Variants in PTPRD observed in about 807,000 individuals in gnomAD.
PTPRD encodes receptor-type tyrosine-protein phosphatase delta.
A neutral mutation model predicts 214.5 loss-of-function variants in PTPRD; 34 were observed. The observed-to-expected ratio is 0.16, with a 90% CI of 0.12 to 0.21. The LOEUF (loss-of-function observed/expected upper bound fraction) is 0.21, where lower values mean the gene tolerates loss of function less well. Ranked by LOEUF, PTPRD falls within the 10% of genes least tolerant of loss-of-function variation. The pLI, the probability that PTPRD is intolerant of heterozygous loss-of-function variation, is 1.00. For synonymous variants in PTPRD, 1,128 were observed against 845.7 expected (o/e 1.33, Z -5.79); for missense variants, 2,545 against 2,398.7 (o/e 1.06, Z -1.27).
At chr9:10,167,863 A>G (rs1284865929) in intron 3 of PTPRD, among the ~76,000 whole-genome samples, 3 of 152,142 alleles carry the variant, frequency 2.0e-5, no homozygotes, top group African/African-American at 7.2e-5. Context: ...CCTTCTCCCT[A>G]TATAGCTGTA....
rs142017718 is a variant in PTPRD, at chr9:10,203,611, T to C, written c.-545+137352A>G. On this transcript the variant is annotated intron_variant, in intron 3 of 45. Transcript: ENST00000381196. ...CAGACAAGGGGCTAGATAAGCTCTA[T>C]GGATCCAGGATTCCATCATTTATTC... is the stretch of plus-strand genomic sequence containing the variant. Among the ~76,000 whole-genome samples the C allele has an allele frequency of 2.3e-3, 352 of 152,312 alleles. 6 individuals are homozygous for C. In the South Asian group the frequency reaches 0.037, roughly 16 times the overall value.
intron 9 of PTPRD, among the ~76,000 whole-genome samples, chr9:9,223,699 G>A (rs1048350029): frequency 2.0e-5 from 3 of 151,858 alleles, no homozygotes; most frequent in Non-Finnish European, 4.4e-5. Context: ...AGAAAAACAG[G>A]ATAAAACCAA....
At chr9:9,376,971 T>C (rs2060962665) in intron 9 of PTPRD, among the ~76,000 whole-genome samples, 1 of 152,050 alleles carries the variant, frequency 6.6e-6, no homozygotes, top group South Asian at 2.1e-4. Context: ...GCACTCAATA[T>C]AAAAACTGAA....
chr9:8,384,003 G>A (rs928396521), intron 37 of PTPRD, among the ~76,000 whole-genome samples: 2 of 152,116 alleles, frequency 1.3e-5, no homozygotes, highest in African/African-American at 4.8e-5. Context: ...AGACAGAGTA[G>A]GAGAGAAACA....
At chr9:9,324,694 A>C in intron 9 of PTPRD, among the ~76,000 whole-genome samples, 1 of 151,986 alleles carries the variant, frequency 6.6e-6, no homozygotes, top group Non-Finnish European at 1.5e-5. Flanking sequence ...TCTTTAGTTT[A>C]ATTCGATCCC....
chr9:8,415,566 T>C (rs928436161), intron 35 of PTPRD, among the ~76,000 whole-genome samples: 1 of 112,870 alleles, frequency 8.9e-6, no homozygotes, highest in Non-Finnish European at 1.9e-5. Context: ...AGTAAAACCA[T>C]AGACCTATTG....
intron 4 of PTPRD, among the ~76,000 whole-genome samples, chr9:9,942,328 C>G (rs145497073): frequency 7.5e-4 from 114 of 152,186 alleles, no homozygotes; most frequent in African/African-American, 2.2e-3. Flanking sequence ...TAAAAAGCAT[C>G]TTCATCATCT....
intron 10 of PTPRD, among the ~76,000 whole-genome samples, chr9:9,087,880 T>C (rs1181366997): frequency 1.6e-5 from 2 of 121,432 alleles, no homozygotes; most frequent in African/African-American, 6.6e-5. Flanking sequence ...CCTAAACTCT[T>C]TTTTTTTTTT....
chr9:8,674,116 T>C (rs943489975), intron 12 of PTPRD, among the ~76,000 whole-genome samples: 5 of 152,044 alleles, frequency 3.3e-5, no homozygotes, highest in Admixed American at 2.0e-4. Flanking sequence ...AAAAATCACA[T>C]AGACACACAC....
At chr9:9,438,924 C>A (rs964972706) in intron 8 of PTPRD, among the ~76,000 whole-genome samples, 19 of 152,040 alleles carry the variant, frequency 1.2e-4, no homozygotes, top group African/African-American at 4.3e-4. Flanking sequence ...TCTAGGACAG[C>A]ATTTAAATTC....
intron 14 of PTPRD, among the ~76,000 whole-genome samples, chr9:8,576,254 C>G (rs1369415292): frequency 6.6e-6 from 1 of 152,066 alleles, no homozygotes; most frequent in East Asian, 1.9e-4. Flanking sequence ...ATGTCAATAC[C>G]TATAATAACT....
chr9:9,886,399 G>C (rs1286090888), intron 5 of PTPRD, among the ~76,000 whole-genome samples: 2 of 152,040 alleles, frequency 1.3e-5, no homozygotes, highest in Non-Finnish European at 1.5e-5. Flanking sequence ...ATAATATAAA[G>C]GATATTAGAC....
chr9:8,630,439 T>A (rs1312148928), intron 14 of PTPRD, among the ~76,000 whole-genome samples: 1 of 151,878 alleles, frequency 6.6e-6, no homozygotes, highest in African/African-American at 2.4e-5. Flanking sequence ...TTTAGAAGTT[T>A]TAAGCAAACA....
Position 10,392,197 on chromosome 9 carries a change from C to T in PTPRD, c.-599-51180G>A, listed in dbSNP as rs1031263780. 4.0e-5 allele frequency among the ~76,000 whole-genome samples: 6 copies of T among 151,868 alleles called. No individual in the cohort carries two copies. In the East Asian group the frequency reaches 5.8e-4, roughly 15 times the overall value. ...CCTAAGAGTTTAGTGCATTTTCTAT[C>T]GTATAGCAAAGATATAATCATGCAT... On this transcript the variant is annotated intron_variant, in intron 2 of 45. Transcript: ENST00000381196.
At chr9:10,266,152 C>G (rs529719764) in intron 3 of PTPRD, among the ~76,000 whole-genome samples, 2 of 152,186 alleles carry the variant, frequency 1.3e-5, no homozygotes, top group African/African-American at 2.4e-5. Flanking sequence ...TACACACACA[C>G]AGACCCAAGT....
rs1708060554 is a variant in PTPRD at position 8,555,720 on chromosome 9, G to A, written c.353-26941C>T. 2.0e-5 allele frequency among the ~76,000 whole-genome samples: 3 copies of A among 152,220 alleles called. No homozygotes were observed. In the South Asian group the frequency reaches 6.2e-4, roughly 31 times the overall value. On this transcript the variant is annotated intron_variant, in intron 14 of 45. Coordinates refer to ENST00000381196, the MANE Select transcript of PTPRD (RefSeq NM_002839.4). ...ATAGTCAGGCAGGGACAATGAGGAT[G>A]TCAATGAAATCTGAAGTAACAGGAA...
chr9:8,500,850 C>A lies in PTPRD; in HGVS notation c.2032G>T (p.Glu678Ter), dbSNP rs1168246256. The A allele has an allele frequency of 1.2e-6, 2 of 1,614,154 alleles. No homozygotes were observed. The highest frequency in any genetic ancestry group is 1.7e-6 in the Non-Finnish European group (2 of 1,180,014). ...DTTKYLLEQL[E>*]KWTEYRITVT... ...GTGATCCGGTATTCAGTCCATTTTT[C>A]CAGCTGTTCCAAAAGGTATTTGGTA... Residue 678 changes from glutamate to a stop codon, truncating the protein, a stop_gained, in exon 24 of 46, where the codon GAA becomes TAA. Coordinates refer to ENST00000381196, the MANE Select transcript of PTPRD (RefSeq NM_002839.4). LOFTEE classifies it high-confidence loss of function.
intron 11 of PTPRD, among the ~76,000 whole-genome samples, chr9:8,936,427 C>CAAAAAACAAAAAAA (rs2098997668): frequency 3.2e-5 from 1 of 31,640 alleles, no homozygotes; most frequent in Non-Finnish European, 5.2e-5. Flanking sequence ...ACCCTGCCTC[C>CAAAAAACAAAAAAA]AAAAAAAAAA....
intron 7 of PTPRD, among the ~76,000 whole-genome samples, chr9:9,705,751 T>G (rs993088107): frequency 1.3e-5 from 2 of 152,192 alleles, no homozygotes; most frequent in African/African-American, 2.4e-5. Context: ...TCAAAAAAGT[T>G]TTTTATCTGT....
Sources: allele counts gnomAD v4.1 joint callset (sites outside exome capture counted in the v4.1 genomes callset), GRCh38; gene constraint gnomAD v4.1.1; transcripts MANE v1.5; gene names NCBI Gene and HGNC (gene_info 2026-07-23, HGNC 2026-07-21).